The following ERICH3 variants were observed in gnomAD, a reference collection of about 807,000 sequenced individuals.
ERICH3 encodes glutamate rich 3.
A neutral mutation model predicts 131.1 loss-of-function variants in ERICH3; 126 were observed. The observed-to-expected ratio is 0.96, with a 90% CI of 0.83 to 1.11. ERICH3 has a LOEUF of 1.11. ERICH3 is among the 50% of genes most tolerant of loss of function. The pLI, the probability that ERICH3 is intolerant of heterozygous loss-of-function variation, is 0.00. For missense variants in ERICH3, 2,050 were observed against 1,810.7 expected (o/e 1.13, Z -2.40); for synonymous variants, 695 against 644.6 (o/e 1.08, Z -1.18).
chr1:74,655,256 T>C (rs1389103363), intron 1 of ERICH3, among the ~76,000 whole-genome samples: 1 of 152,206 alleles, frequency 6.6e-6, no homozygotes, highest in African/African-American at 2.4e-5. Context: ...TAATAAAGTG[T>C]TCATTAGTTT....
chr1:74,612,721 G>T lies in ERICH3; in HGVS notation c.1089C>A (p.Ser363Arg). 6.2e-7 allele frequency: 1 copy of T among 1,607,836 alleles called. No individual in the cohort carries two copies. Among genetic ancestry groups the T allele is most frequent in the Non-Finnish European group, 8.5e-7 (1 of 1,175,192 alleles). Residue 363 changes from serine (S) to arginine (R), a missense_variant, in exon 9 of 15, where the codon AGC becomes AGA. Ser to Arg is a moderately radical substitution (Grantham distance 110). Coordinates refer to ENST00000326665, the MANE Select transcript of ERICH3 (RefSeq NM_001002912.5). ...FLNGMQVNRL[S>R]SCCEYKHRKG... ...TCCGATGCTTGTATTCACAACAGGA[G>T]CTTAACCTGTTCACCTGCATCCCAT...
chr1:74,614,901 T>C (rs1229672311), intron 8 of ERICH3, among the ~76,000 whole-genome samples: 1 of 152,196 alleles, frequency 6.6e-6, no homozygotes. Context: ...GCAAGTTTGA[T>C]TGTTTTTGTT....
rs1440678944 is a variant in ERICH3, at chr1:74,572,795, T to A, written c.2915A>T (p.Glu972Val). The A allele has an allele frequency of 6.2e-7, 1 of 1,613,960 alleles. No homozygotes were observed. Among genetic ancestry groups the A allele is most frequent in the Admixed American group, 1.7e-5 (1 of 60,016 alleles). Residue 972 changes from glutamate (E) to valine (V), a missense_variant, in exon 14 of 15, where the codon GAG (glutamate) becomes GTG (valine). Transcript: ENST00000326665. ...TGGTTCCTCTCCCCCAAGAATTGCC[T>A]CTTCAGAACCGTCCTCTCTCTTTGA... is the stretch of plus-strand genomic sequence containing the variant. ...TASKREDGSE[E>V]AILGGEEPAK...
chr1:74,636,523 G>A, intron 5 of ERICH3, 85 bp from the exon 6 acceptor site: 1 of 1,338,526 alleles, frequency 7.5e-7, no homozygotes, highest in Non-Finnish European at 1.0e-6. Context: ...AAATTGCCTA[G>A]AGTAATTAAT....
At chr1:74,610,463 C>A (rs1050371781) in intron 9 of ERICH3, among the ~76,000 whole-genome samples, 2 of 149,910 alleles carry the variant, frequency 1.3e-5, no homozygotes, top group Non-Finnish European at 3.0e-5. Flanking sequence ...GCTTATACCC[C>A]CAATTGAGTC....
Position 74,589,736 on chromosome 1 carries a change from G to A in ERICH3, c.2071C>T (p.His691Tyr), listed in dbSNP as rs1647495073. The A allele has an allele frequency of 1.9e-6, 3 of 1,613,988 alleles. No individual in the cohort carries two copies. The highest frequency in any genetic ancestry group is 2.2e-5 in the East Asian group (1 of 44,878). ...AEGLSEKSGK[H>Y]VSAEEKEKDK... Reference sequence around the variant, plus strand: ...TTTTCCTTTTCTTCTGCAGAAACATGTTTCCCGGACTTCTCAGATAAACCC... The same window carrying A: ...TTTTCCTTTTCTTCTGCAGAAACATATTTCCCGGACTTCTCAGATAAACCC... The change falls in exon 12 of 15, where the codon CAT (histidine) becomes TAT (tyrosine). Residue 691 changes from histidine to tyrosine, a missense_variant. Coordinates refer to ENST00000326665, the MANE Select transcript of ERICH3 (RefSeq NM_001002912.5).
At chr1:74,663,691 T>C (rs569579850) in intron 1 of ERICH3, among the ~76,000 whole-genome samples, 2 of 151,290 alleles carry the variant, frequency 1.3e-5, no homozygotes, top group Admixed American at 1.3e-4. Flanking sequence ...AGTGGTTTGA[T>C]AAGAATATAA....
intron 12 of ERICH3, 129 bp from the exon 13 acceptor site, chr1:74,577,065 G>A (rs1570803522): frequency 5.6e-6 from 4 of 708,546 alleles, no homozygotes; most frequent in African/African-American, 5.4e-5. Context: ...TGGGAGGCAG[G>A]CTATTGAAAG....
At chr1:74,619,998 C>G (rs914155873) in intron 8 of ERICH3, among the ~76,000 whole-genome samples, 8 of 152,108 alleles carry the variant, frequency 5.3e-5, no homozygotes, top group African/African-American at 1.7e-4. Flanking sequence ...CAATTCTCCC[C>G]GTAACTCCTA....
At chr1:74,613,433 A>C (rs964697742) in intron 8 of ERICH3, among the ~76,000 whole-genome samples, 17 of 152,188 alleles carry the variant, frequency 1.1e-4, no homozygotes, top group Admixed American at 1.1e-3. Flanking sequence ...TTAGAGTTTG[A>C]ATCCAAACAT....
chr1:74,589,679 C>A lies in ERICH3; in HGVS notation c.2128G>T (p.Ala710Ser), dbSNP rs147014389. ...CCTGCCTTTTTGTCCTTCACCTGAG[C>A]AGTGCTTTCTTCCCAAAGCTTACTC... ...DKSKLWEEST[A>S]QVKDKKAGLP... Residue 710 changes from alanine (A) to serine (S), a missense_variant, in exon 12 of 15, where the codon GCT becomes TCT. Transcript: ENST00000326665. 3.1e-6 allele frequency: 5 copies of A among 1,613,968 alleles called. No individual in the cohort carries two copies. The highest frequency in any genetic ancestry group is 2.2e-5 in the East Asian group (1 of 44,882).
Position 74,641,315 on chromosome 1 carries a change from G to T in ERICH3, c.444+16C>A, listed in dbSNP as rs1333861735. ...TAGCTGGGATACTGCATGACGAAGT[G>T]TTTAATATTACTCACCAGTGCTAAC... On this transcript the variant is annotated intron_variant, in intron 5 of 14. Transcript: ENST00000326665. 1.9e-6 allele frequency: 3 copies of T among 1,610,520 alleles called. No homozygotes were observed. Among genetic ancestry groups the T allele is most frequent in the Admixed American group, 1.7e-5 (1 of 59,296 alleles).
At chr1:74,581,643 A>G (rs1389251753) in intron 12 of ERICH3, among the ~76,000 whole-genome samples, 3 of 152,196 alleles carry the variant, frequency 2.0e-5, no homozygotes, top group East Asian at 3.8e-4. Flanking sequence ...CTGTGCTGCT[A>G]TAAAAAAGGC....
At chr1:74,651,145 G>A (rs560550495) in intron 1 of ERICH3, among the ~76,000 whole-genome samples, 4 of 152,122 alleles carry the variant, frequency 2.6e-5, no homozygotes, top group African/African-American at 9.6e-5. Flanking sequence ...AATATCATTA[G>A]CAACAATTTT....
chr1:74,650,173 A>C (rs765893154), intron 1 of ERICH3, among the ~76,000 whole-genome samples: 5 of 152,284 alleles, frequency 3.3e-5, no homozygotes, highest in Middle Eastern at 3.4e-3. Context: ...ACCTCCTTAT[A>C]TATATCTAGA....
At chr1:74,619,716 A>G (rs1410296398) in intron 8 of ERICH3, among the ~76,000 whole-genome samples, 2 of 152,262 alleles carry the variant, frequency 1.3e-5, no homozygotes, top group Non-Finnish European at 2.9e-5. Context: ...CAAAATAAAC[A>G]AGGTAAATTG....
chr1:74,612,066 G>A (rs947791948), intron 9 of ERICH3, among the ~76,000 whole-genome samples: 1 of 152,194 alleles, frequency 6.6e-6, no homozygotes, highest in Non-Finnish European at 1.5e-5. Context: ...AGAATGTTCA[G>A]TATGAAAGCT....
rs1199533626 is a variant in ERICH3, at chr1:74,573,222, C to T, written c.2488G>A (p.Glu830Lys). Residue 830 changes from glutamate (E) to lysine (K), a missense_variant, in exon 14 of 15, where the codon GAG becomes AAG. Transcript: ENST00000326665. ...ELAEEFTEKR[E>K]IPPGIERGAE... ...CCCCTTTCTATGCCTGGAGGGATCT[C>T]CCTTTTTTCTGTAAACTCTTCTGCC... 6.2e-7 allele frequency: 1 copy of T among 1,611,854 alleles called. No homozygotes were observed. The highest frequency in any genetic ancestry group is 1.3e-5 in the African/African-American group (1 of 74,858).
At chr1:74,645,589 CAG>C (rs1203705852) in intron 3 of ERICH3, among the ~76,000 whole-genome samples, 1 of 151,954 alleles carries the variant, frequency 6.6e-6, no homozygotes, top group African/African-American at 2.4e-5. Flanking sequence ...TTAAGGCTAA[CAG>C]AGAACTCAGT....
Sources: allele counts gnomAD v4.1 joint callset (sites outside exome capture counted in the v4.1 genomes callset), GRCh38; gene constraint gnomAD v4.1.1; transcripts MANE v1.5; gene names NCBI Gene and HGNC (gene_info 2026-07-23, HGNC 2026-07-21).